Variants in SNURF observed in about 807,000 individuals in gnomAD.
The protein encoded by SNURF is SNURF protein.
In SNURF, 6 loss-of-function variants were observed where a neutral mutation model predicts 11.6. The ratio of observed to expected loss-of-function variants is 0.52; its 90% confidence interval spans 0.28 to 1.02. SNURF has a LOEUF of 1.02. SNURF is among the 50% of genes least tolerant of loss of function. The probability of loss-of-function intolerance (pLI) is 0.09; values close to 1 mark genes in which losing one functional copy is unlikely to be tolerated. For synonymous variants in SNURF, 29 were observed against 31.6 expected, an observed-to-expected ratio of 0.92 and a Z score of 0.27; for missense variants, 84 against 88.4, an observed-to-expected ratio of 0.95 and a Z score of 0.20.
intron 2 of SNURF, among the ~76,000 whole-genome samples, chr15:24,967,414 T>C (rs977411755): frequency 2.6e-5 from 4 of 151,716 alleles, no homozygotes; most frequent in Non-Finnish European, 5.9e-5. Flanking sequence ...CCAAAGTGGG[T>C]GGATCACCTG....
intron 1 of SNURF, among the ~76,000 whole-genome samples, chr15:24,959,486 T>G (rs1220956192): frequency 6.6e-6 from 1 of 152,174 alleles, no homozygotes; most frequent in Non-Finnish European, 1.5e-5. Flanking sequence ...AAAGTTGAAA[T>G]AATAGAATAT....
intron 2 of SNURF, chr15:24,967,234 A>G (rs1338637714): frequency 6.6e-6 from 1 of 152,344 alleles, no homozygotes; most frequent in Non-Finnish European, 1.5e-5. Flanking sequence ...AAATATTTCT[A>G]GACTTGGTAA....
At chr15:24,965,511 G>C (rs1165111585) in intron 2 of SNURF, among the ~76,000 whole-genome samples, 1 of 152,024 alleles carries the variant, frequency 6.6e-6, no homozygotes, top group Non-Finnish European at 1.5e-5. Flanking sequence ...GCTGTGCCTG[G>C]GTGACATAGC....
At chr15:24,975,507 C>T in exon 4 of SNURF, 1 of 1,612,732 alleles carries the variant, frequency 6.2e-7, no homozygotes, top group Non-Finnish European at 8.5e-7. Flanking sequence ...TCAGAAAGAT[C>T]AAGTAAGGCT....
intron 2 of SNURF, among the ~76,000 whole-genome samples, chr15:24,965,621 A>T (rs1477318485): frequency 6.6e-6 from 1 of 152,148 alleles, no homozygotes; most frequent in South Asian, 2.1e-4. Flanking sequence ...ATTAGCTCTT[A>T]TTCTTTGGGG....
exon 3 of SNURF, chr15:24,968,233 A>C: frequency 1.7e-6 from 1 of 571,470 alleles, no homozygotes; most frequent in Non-Finnish European, 3.1e-6. Flanking sequence ...GTTTTGCAGG[A>C]CCTTAAATTT....
chr15:24,955,124 A>C (rs1422512841), intron 1 of SNURF, 62 bp downstream of exon 1: 2 of 1,608,784 alleles, frequency 1.2e-6, no homozygotes, highest in Admixed American at 1.7e-5. Context: ...TTTATTCATC[A>C]GATATTCCAA....
At chr15:24,962,540 C>T (rs445264) in intron 2 of SNURF, among the ~76,000 whole-genome samples, 19,586 of 151,996 alleles carry the variant, frequency 0.13, 2,428 homozygotes, top group African/African-American at 0.33. Context: ...ATGTACTGTG[C>T]GCTGAAGTGA....
exon 4 of SNURF, chr15:24,975,427 C>G (rs780552612): frequency 6.2e-7 from 1 of 1,612,926 alleles, no homozygotes; most frequent in Non-Finnish European, 8.5e-7. Context: ...GCAAGATGGC[C>G]GAATCTTCAT....
At chr15:24,955,701 C>T (rs2062729710) in intron 1 of SNURF, among the ~76,000 whole-genome samples, 2 of 143,258 alleles carry the variant, frequency 1.4e-5, no homozygotes, top group African/African-American at 2.6e-5. Flanking sequence ...TGTTGGTGGT[C>T]GCGGCGCGGG....
intron 2 of SNURF, among the ~76,000 whole-genome samples, chr15:24,962,762 G>T (rs1469506317): frequency 6.6e-6 from 1 of 152,048 alleles, no homozygotes; most frequent in Non-Finnish European, 1.5e-5. Context: ...AAAAATAGGT[G>T]AACATTTTAA....
At chr15:24,967,864 CT>C in intron 2 of SNURF, 67 bp from the exon 3 acceptor site, 1 of 1,034,062 alleles carries the variant, frequency 9.7e-7, no homozygotes, top group Non-Finnish European at 1.5e-6. Flanking sequence ...ACCTAGTTTT[CT>C]TTCATATGGT....
rs546082563 is a variant in SNURF at position 24,955,566 on chromosome 15, T to C, written c.14+504T>C. On this transcript the variant is annotated intron_variant, in intron 1 of 2. Coordinates refer to ENST00000577949, the Ensembl canonical transcript of SNURF. ...TTGAGCGCAGGTAGGTGTATAATAG[T>C]GACCACTGCGTGGTGGAGCAGGGTA... 8.0e-5 allele frequency among the ~76,000 whole-genome samples: 11 copies of C among 138,158 alleles called. No individual in the cohort carries two copies. In the South Asian group the frequency reaches 1.2e-3, roughly 15 times the overall value. 90.6% of individuals were successfully genotyped at this position (138,158 alleles called of 152,430 possible). A position where few individuals can be genotyped will look rare whatever the true frequency, so the allele number is the denominator to read the frequency against.
intron 2 of SNURF, among the ~76,000 whole-genome samples, chr15:24,965,843 T>C (rs1416975236): frequency 6.6e-6 from 1 of 152,030 alleles, no homozygotes; most frequent in Non-Finnish European, 1.5e-5. Context: ...TAGAGAATTA[T>C]CTTACGTTTC....
chr15:24,976,693 AAAT>A (rs1172639803), intron 5 of SNURF, among the ~76,000 whole-genome samples: 5 of 152,228 alleles, frequency 3.3e-5, no homozygotes, highest in Admixed American at 6.5e-5. Context: ...ACAATTTGAC[AAAT>A]AATGTGCATT....
At chr15:24,960,449 C>T (rs534344155) in intron 1 of SNURF, among the ~76,000 whole-genome samples, 20 of 152,152 alleles carry the variant, frequency 1.3e-4, no homozygotes, top group Non-Finnish European at 2.5e-4. Context: ...CAAGCGCCCT[C>T]TCACCTTAGC....
chr15:24,962,785 A>T (rs991103566), intron 2 of SNURF, among the ~76,000 whole-genome samples: 8 of 152,328 alleles, frequency 5.3e-5, no homozygotes, highest in African/African-American at 1.9e-4. Context: ...GACCTAATAC[A>T]TATTTAGTCC....
At chr15:24,975,522 T>G (rs776835067) in intron 4 of SNURF, 2 of 1,610,250 alleles carry the variant, frequency 1.2e-6, no homozygotes, top group South Asian at 1.1e-5. Flanking sequence ...AAGGCTGATT[T>G]GGGCAAATGG....
At chr15:24,974,596 G>C in intron 3 of SNURF, 1 of 835,798 alleles carries the variant, frequency 1.2e-6, no homozygotes. Context: ...ATTGCATTGA[G>C]TATCAGCTGA....
Sources: allele counts gnomAD v4.1 joint callset (sites outside exome capture counted in the v4.1 genomes callset), GRCh38; gene constraint gnomAD v4.1.1; transcripts MANE v1.5; gene names NCBI Gene and HGNC (gene_info 2026-07-23, HGNC 2026-07-21).